Variants in COL22A1 observed in about 807,000 individuals in gnomAD.
The protein encoded by COL22A1 is collagen alpha-1(XXII) chain.
A neutral mutation model predicts 248.9 loss-of-function variants in COL22A1; 221 were observed. The ratio of observed to expected loss-of-function variants is 0.89; its 90% CI spans 0.80 to 0.99. The LOEUF (loss-of-function observed/expected upper bound fraction) is 0.99. Among genes scored for constraint, COL22A1 ranks in the 50% least tolerant of loss-of-function variants. The pLI, the probability that COL22A1 is intolerant of heterozygous loss-of-function variation, is 0.00. For synonymous variants in COL22A1, 891 were observed against 793.4 expected, an observed-to-expected ratio of 1.12 and a Z score of -2.07; for missense variants, 2,240 against 2,179.0, an observed-to-expected ratio of 1.03 and a Z score of -0.56.
chr8:138,875,670 G>A (rs1031431882), intron 3 of COL22A1, among the ~76,000 whole-genome samples: 1 of 152,052 alleles, frequency 6.6e-6, no homozygotes, highest in African/African-American at 2.4e-5. Flanking sequence ...AGTCCTGCCT[G>A]GGATGTCTCC....
intron 9 of COL22A1, among the ~76,000 whole-genome samples, chr8:138,810,669 G>A (rs1028527964): frequency 6.6e-6 from 1 of 152,182 alleles, no homozygotes; most frequent in African/African-American, 2.4e-5. Context: ...ACTCCCCAAG[G>A]GTTCCCTGTA....
intron 59 of COL22A1, among the ~76,000 whole-genome samples, chr8:138,604,318 G>A (rs545451465): frequency 2.0e-5 from 3 of 152,264 alleles, no homozygotes; most frequent in Admixed American, 1.3e-4. Context: ...AGAAGACTGT[G>A]GAGGGGCAAG....
rs550941853 is a variant in COL22A1 at position 138,817,076 on chromosome 8, A to C, written c.1246-4057T>G. On this transcript the variant is annotated intron_variant, in intron 7 of 64. Transcript: ENST00000303045. Reference sequence around the variant, plus strand: ...ACTGTCTCCTTTCTATAGATGAGGAAGTGAAGGTGCAGACAGGTGAGGCCA... The same window carrying C: ...ACTGTCTCCTTTCTATAGATGAGGACGTGAAGGTGCAGACAGGTGAGGCCA... Among the ~76,000 whole-genome samples the C allele has an allele frequency of 4.0e-4, 61 of 152,334 alleles. No homozygotes were observed. The South Asian group carries it at 4.1e-3, about 10-fold the overall frequency.
chr8:138,831,754 C>T (rs1004748681), intron 5 of COL22A1, among the ~76,000 whole-genome samples: 2 of 150,750 alleles, frequency 1.3e-5, no homozygotes, highest in African/African-American at 4.9e-5. Context: ...GGACCTTCCT[C>T]TTCCTGGCCT....
intron 4 of COL22A1, among the ~76,000 whole-genome samples, chr8:138,840,527 G>T (rs1197855832): frequency 1.6e-5 from 2 of 122,584 alleles, no homozygotes; most frequent in African/African-American, 5.8e-5. Flanking sequence ...GCATTTTCAT[G>T]TGTGAGTACA....
At chr8:138,694,451 A>G in intron 34 of COL22A1, 57 bp downstream of exon 34, 1 of 1,537,674 alleles carries the variant, frequency 6.5e-7, no homozygotes. Flanking sequence ...GGAGCGAGAG[A>G]GTGTGGCTGG....
At chr8:138,692,413 G>T (rs62527929) in intron 35 of COL22A1, among the ~76,000 whole-genome samples, 1 of 151,178 alleles carries the variant, frequency 6.6e-6, no homozygotes, top group Non-Finnish European at 1.5e-5. Context: ...GTGTGTATGT[G>T]TGTGTGCACG....
At chr8:138,639,955 G>A (rs1007078081) in intron 47 of COL22A1, among the ~76,000 whole-genome samples, 3 of 152,170 alleles carry the variant, frequency 2.0e-5, no homozygotes, top group Admixed American at 6.5e-5. Flanking sequence ...GACGGCCACC[G>A]CAATTACCAG....
At chr8:138,882,685 C>T (rs1436060316) in intron 2 of COL22A1, among the ~76,000 whole-genome samples, 1 of 151,436 alleles carries the variant, frequency 6.6e-6, no homozygotes, top group African/African-American at 2.4e-5. Context: ...CTCCCATACA[C>T]TCCCACACAC....
At chr8:138,623,145 T>C (rs999240690) in intron 52 of COL22A1, among the ~76,000 whole-genome samples, 9 of 151,304 alleles carry the variant, frequency 5.9e-5, no homozygotes, top group African/African-American at 2.2e-4. Flanking sequence ...ATCCATCTCA[T>C]TGTGTGCCCC....
intron 12 of COL22A1, among the ~76,000 whole-genome samples, chr8:138,786,590 A>G (rs1353871398): frequency 6.6e-6 from 1 of 152,204 alleles, no homozygotes; most frequent in Non-Finnish European, 1.5e-5. Context: ...ACTCATCATC[A>G]GCTGCCCATA....
At chr8:138,802,711 T>C (rs772580162) in intron 11 of COL22A1, among the ~76,000 whole-genome samples, 161 bp downstream of exon 11, 6 of 152,092 alleles carry the variant, frequency 3.9e-5, no homozygotes, top group Non-Finnish European at 8.8e-5. Context: ...TCCATGCCCA[T>C]GGAGAGGAGC....
At chr8:138,773,446 G>A (rs565305759) in intron 16 of COL22A1, among the ~76,000 whole-genome samples, 6 of 152,312 alleles carry the variant, frequency 3.9e-5, no homozygotes, top group Non-Finnish European at 8.8e-5. Flanking sequence ...TTTGGAGTGG[G>A]GGGTCCCACA....
At chr8:138,873,348 G>T (rs1171659178) in intron 3 of COL22A1, among the ~76,000 whole-genome samples, 1 of 152,072 alleles carries the variant, frequency 6.6e-6, no homozygotes, top group Non-Finnish European at 1.5e-5. Context: ...CTTTGGCGGG[G>T]GTGGGGTGGG....
intron 15 of COL22A1, 151 bp downstream of exon 15, chr8:138,778,202 G>A: frequency 1.3e-6 from 1 of 791,736 alleles, no homozygotes; most frequent in East Asian, 2.7e-5. Flanking sequence ...AATAATTTCT[G>A]GTCTAAGAAA....
At chr8:138,782,842 C>A (rs1354468930) in intron 12 of COL22A1, among the ~76,000 whole-genome samples, 1 of 152,118 alleles carries the variant, frequency 6.6e-6, no homozygotes, top group Non-Finnish European at 1.5e-5. Context: ...ATGGAAGCAC[C>A]CCACCAGCGC....
At chr8:138,773,643 G>A (rs1834578649) in intron 16 of COL22A1, among the ~76,000 whole-genome samples, 1 of 152,246 alleles carries the variant, frequency 6.6e-6, no homozygotes, top group African/African-American at 2.4e-5. Flanking sequence ...TCCGCCATGT[G>A]TTGGCAGGTG....
chr8:138,591,361 CA>C (rs1447231909), intron 64 of COL22A1, 62 bp downstream of exon 64: 2 of 1,281,114 alleles, frequency 1.6e-6, no homozygotes, highest in Non-Finnish European at 2.1e-6. Context: ...GGGCCACGGG[CA>C]GGGGTGCTGG....
At chr8:138,721,422 G>T (rs1829863577) in intron 26 of COL22A1, among the ~76,000 whole-genome samples, 1 of 152,154 alleles carries the variant, frequency 6.6e-6, no homozygotes, top group Admixed American at 6.5e-5. Context: ...ATTGAAACCT[G>T]TATTTGCTCC....
Sources: allele counts gnomAD v4.1 joint callset (sites outside exome capture counted in the v4.1 genomes callset), GRCh38; gene constraint gnomAD v4.1.1; transcripts MANE v1.5; gene names NCBI Gene and HGNC (gene_info 2026-07-23, HGNC 2026-07-21).